MYO9A: variants seen among roughly 807,000 people sequenced by gnomAD.
MYO9A encodes the protein myosin IXA.
In MYO9A, 103 loss-of-function variants were observed where a neutral mutation model predicts 293.3. The observed-to-expected ratio is 0.35, with a 90% confidence interval of 0.30 to 0.41. The LOEUF (loss-of-function observed/expected upper bound fraction) is 0.41. Among genes scored for constraint, MYO9A ranks in the 10% least tolerant of loss-of-function variants. The pLI is 1.00. For missense variants in MYO9A, 2,685 were observed against 3,033.0 expected (o/e 0.89, Z 2.69); for synonymous variants, 1,001 against 1,035.7 (o/e 0.97, Z 0.64).
intron 15 of MYO9A, among the ~76,000 whole-genome samples, chr15:71,944,613 C>T (rs1266179855): frequency 2.0e-5 from 3 of 152,078 alleles, no homozygotes; most frequent in Admixed American, 6.6e-5. Context: ...CTATCCCTTA[C>T]CCCCACTAAA....
chr15:72,033,042 G>T (rs1215622458), intron 2 of MYO9A, among the ~76,000 whole-genome samples: 1 of 151,992 alleles, frequency 6.6e-6, no homozygotes, highest in African/African-American at 2.4e-5. Flanking sequence ...GTAAAGATGG[G>T]GTTTCAATGT....
In MYO9A at chr15:72,032,569, G is replaced by C. The variant is rs996633361; in HGVS notation, c.860C>G (p.Thr287Arg). ...ACGACTTGAATTGTTATTATGAGCT[G>C]TCTTTGCATTTCCAAAGGCCTGTCA... ...PVLEAFGNAKTAHNNNSSRFG... is the reference protein window; with the variant it reads ...PVLEAFGNAKRAHNNNSSRFG... The change falls in exon 3 of 42, where the codon ACA becomes AGA. Residue 287 changes from threonine (T) to arginine (R), a missense_variant. Thr to Arg is a moderately conservative substitution (Grantham distance 71). Transcript: ENST00000356056. The C allele has an allele frequency of 1.9e-6, 3 of 1,594,534 alleles. No homozygotes were observed. Among genetic ancestry groups the C allele is most frequent in the Non-Finnish European group, 2.6e-6 (3 of 1,173,210 alleles).
intron 13 of MYO9A, among the ~76,000 whole-genome samples, chr15:71,966,336 A>G (rs1392291938): frequency 6.8e-6 from 1 of 147,776 alleles, no homozygotes; most frequent in East Asian, 2.0e-4. Context: ...AATTTAATTA[A>G]AAGTAAAATT....
intron 1 of MYO9A, among the ~76,000 whole-genome samples, chr15:72,086,540 T>C (rs1417510771): frequency 2.0e-5 from 3 of 151,906 alleles, no homozygotes; most frequent in Non-Finnish European, 4.4e-5. Context: ...GCACTCACAC[T>C]GGCAGCAGTG....
At position 71,825,629 on chromosome 15, in the gene MYO9A, T is replaced by C. The variant is rs2054451495; in HGVS notation, c.*951A>G. The C allele has an allele frequency of 6.6e-6, 1 of 152,238 alleles. No individual in the cohort carries two copies. 9.4% of individuals were successfully genotyped at this position (152,238 alleles called of 1,614,324 possible). A position where few individuals can be genotyped will look rare whatever the true frequency, so the allele number is the denominator to read the frequency against. ...TTGTTTGTTTGTTTGAGTCTGAGTC[T>C]GTGGTGGGAATCCACCAGCAGATGA... On this transcript the variant is annotated 3_prime_UTR_variant, in exon 42 of 42. Coordinates refer to ENST00000356056, the MANE Select transcript of MYO9A (RefSeq NM_006901.4).
intron 18 of MYO9A, among the ~76,000 whole-genome samples, chr15:71,919,677 C>T (rs2058102379): frequency 6.6e-6 from 1 of 151,704 alleles, no homozygotes; most frequent in South Asian, 2.1e-4. Context: ...CCCATCTCTA[C>T]TAAAAATACA....
At chr15:71,858,320 C>T (rs1262408571) in intron 34 of MYO9A, among the ~76,000 whole-genome samples, 23 of 152,078 alleles carry the variant, frequency 1.5e-4, no homozygotes, top group African/African-American at 5.1e-4. Flanking sequence ...ATGTTTATTG[C>T]GGCACTATTC....
intron 27 of MYO9A, among the ~76,000 whole-genome samples, chr15:71,884,898 G>A (rs2056974894): frequency 6.6e-6 from 1 of 151,028 alleles, no homozygotes; most frequent in African/African-American, 2.4e-5. Flanking sequence ...CAGGCCTGAT[G>A]GAGATGGAAG....
In MYO9A at chr15:71,826,848, T is replaced by G. The variant is rs763875201; in HGVS notation, c.7379A>C (p.Tyr2460Ser). ...LFQIYSKSPF[Y>S]RAASGNEALG... ...GGCCTCATTACCTGAGGCAGCTCGGTAGAATGGAGATTTGGAATAAATCTG... is the reference window on the plus strand; with the variant it reads ...GGCCTCATTACCTGAGGCAGCTCGGGAGAATGGAGATTTGGAATAAATCTG... Residue 2460 changes from tyrosine (Y) to serine (S), a missense_variant, in exon 42 of 42, where the codon TAC becomes TCC. By Grantham distance (144) the Tyr-to-Ser change is moderately radical. Around this residue, in one of 10 missense-constraint regions of MYO9A, gnomAD observed 350 missense variants for 328.9 expected, o/e 1.06. Coordinates refer to ENST00000356056, the MANE Select transcript of MYO9A (RefSeq NM_006901.4). 3.7e-6 allele frequency: 6 copies of G among 1,613,958 alleles called. No individual in the cohort carries two copies. The African/African-American group carries it at 4.0e-5, about 11-fold the overall frequency.
chr15:71,894,554 G>A (rs1023791596), intron 25 of MYO9A, among the ~76,000 whole-genome samples: 1 of 152,128 alleles, frequency 6.6e-6, no homozygotes, highest in African/African-American at 2.4e-5. Flanking sequence ...ACTCTAGCTT[G>A]GGTGACAAGA....
rs764123142 is a variant in MYO9A, at chr15:71,960,099, A to T, written c.1987-3T>A. 22 of 1,613,464 alleles carry T rather than the reference A, an allele frequency of 1.4e-5. No individual in the cohort carries two copies. Among genetic ancestry groups the T allele is most frequent in the Non-Finnish European group, 1.8e-5 (21 of 1,179,728 alleles). On this transcript the variant is annotated splice_region_variant and splice_polypyrimidine_tract_variant and intron_variant, in intron 13 of 41. Transcript: ENST00000356056. ...TCTGTATTTTTTTCCCGGAAATCCT[A>T]TATGAAAAAAGTACCAGTGTTACTT...
intron 26 of MYO9A, chr15:71,891,655 A>C (rs1031051313): frequency 1.1e-4 from 16 of 152,234 alleles, no homozygotes; most frequent in African/African-American, 3.9e-4. Flanking sequence ...TCAGATACAC[A>C]GAATGTTTCC....
rs190496519 is a variant in MYO9A, at chr15:71,965,160, C to T, written c.1986+2824G>A. Reference sequence around the variant, plus strand: ...ATTTATATTGTCATTTCTTTTTTGACTCATGGGTTATTCAGAAGAGTTTTG... The same window carrying T: ...ATTTATATTGTCATTTCTTTTTTGATTCATGGGTTATTCAGAAGAGTTTTG... On this transcript the variant is annotated intron_variant, in intron 13 of 41. Coordinates refer to ENST00000356056, the MANE Select transcript of MYO9A (RefSeq NM_006901.4). 5.4e-4 allele frequency among the ~76,000 whole-genome samples: 82 copies of T among 151,508 alleles called. 1 individual carries two copies. Among genetic ancestry groups the T allele is most frequent in the Admixed American group, 5.4e-3 (82 of 15,230 alleles).
intron 12 of MYO9A, among the ~76,000 whole-genome samples, chr15:71,975,500 G>A (rs781553838): frequency 3.3e-5 from 5 of 150,558 alleles, no homozygotes; most frequent in Non-Finnish European, 5.9e-5. Flanking sequence ...ATAATGTTGG[G>A]GTGCTTTAGG....
At chr15:71,856,786 A>T (rs1048513647) in intron 34 of MYO9A, among the ~76,000 whole-genome samples, 10 of 152,224 alleles carry the variant, frequency 6.6e-5, no homozygotes, top group African/African-American at 2.4e-4. Flanking sequence ...TTCCAAGTCT[A>T]AGGCAGAATA....
rs760892512 is a variant in MYO9A at position 71,898,979 on chromosome 15, A to T, written c.3524T>A (p.Leu1175Ter). The T allele has an allele frequency of 6.2e-7, 1 of 1,613,318 alleles. No homozygotes were observed. The highest frequency in any genetic ancestry group is 1.1e-5 in the South Asian group (1 of 91,026). ...RLRETKPEVG[L>*]VNIKGYGSLE... Reference sequence around the variant, plus strand: ...AGATCCATATCCCTTAATATTCACCAATCCAACTTCTGGCTTTGTTTCTCT... The same window carrying T: ...AGATCCATATCCCTTAATATTCACCTATCCAACTTCTGGCTTTGTTTCTCT... Residue 1175 changes from leucine (L) to a stop codon, truncating the protein, a stop_gained, in exon 25 of 42, where the codon TTG becomes TAG. Coordinates refer to ENST00000356056, the MANE Select transcript of MYO9A (RefSeq NM_006901.4). LOFTEE classifies it high-confidence loss of function.
At chr15:72,038,706 A>G (rs2078136123) in intron 2 of MYO9A, among the ~76,000 whole-genome samples, 1 of 152,260 alleles carries the variant, frequency 6.6e-6, no homozygotes, top group Non-Finnish European at 1.5e-5. Flanking sequence ...TGGCAGAGCC[A>G]CAAAGAAGGA....
At position 72,118,110 on chromosome 15, in the gene MYO9A, C is replaced by T. The variant is rs918926561; in HGVS notation, c.-502G>A. On this transcript the variant is annotated 5_prime_UTR_variant, in exon 1 of 42. Coordinates refer to ENST00000356056, the MANE Select transcript of MYO9A (RefSeq NM_006901.4). ...CCCGACCCCGCGCACGCGGCCCCGC[C>T]CCGCGCGACTCCCCGGCTGCAGGCG... 2.8e-5 allele frequency: 11 copies of T among 389,310 alleles called. No homozygotes were observed. Among genetic ancestry groups the T allele is most frequent in the Non-Finnish European group, 4.5e-5 (10 of 220,264 alleles). The allele number at this position is 389,310 out of a possible 1,614,324, so 24.1% of individuals were successfully genotyped here.
chr15:71,995,845 A>T (rs919881062), intron 9 of MYO9A, among the ~76,000 whole-genome samples: 1 of 152,202 alleles, frequency 6.6e-6, no homozygotes, highest in East Asian at 1.9e-4. Flanking sequence ...ATCTATAAAA[A>T]GAAGGTAATA....
Sources: gnomAD v4.1 joint callset for allele counts (sites outside exome capture counted in the v4.1 genomes callset) on GRCh38, gnomAD v4.1.1 for gene constraint, gnomAD v4.1.1 regional missense constraint, MANE v1.5 for transcripts, NCBI Gene and HGNC (gene_info 2026-07-23, HGNC 2026-07-21) for gene names.